The following TMPRSS11A variants were observed in gnomAD, a reference collection of about 807,000 sequenced individuals.
TMPRSS11A encodes transmembrane protease serine 11A.
TMPRSS11A carries 53 observed loss-of-function variants against 58.9 expected under a neutral mutation model. The observed-to-expected ratio is 0.90, with a 90% CI of 0.72 to 1.13. TMPRSS11A has a LOEUF of 1.13. TMPRSS11A is among the 50% of genes most tolerant of loss of function. TMPRSS11A has a pLI of 0.00. For missense variants in TMPRSS11A, 493 were observed against 499.3 expected, an observed-to-expected ratio of 0.99 and a Z score of 0.12; for synonymous variants, 167 against 169.8, an observed-to-expected ratio of 0.98 and a Z score of 0.13.
chr4:67,949,205 C>T (rs1721096678), intron 1 of TMPRSS11A, among the ~76,000 whole-genome samples: 1 of 152,136 alleles, frequency 6.6e-6, no homozygotes, highest in Non-Finnish European at 1.5e-5. Context: ...AAAAGAATCA[C>T]ATCTCCCACC....
Position 67,909,868 on chromosome 4 carries a change from G to A in TMPRSS11A, c.*1474C>T, listed in dbSNP as rs1719922100. The A allele has an allele frequency of 2.0e-5, 3 of 152,034 alleles. No homozygotes were observed. In the South Asian group the frequency reaches 6.2e-4, roughly 32 times the overall value. 9.4% of individuals were successfully genotyped at this position (152,034 alleles called of 1,614,324 possible). ...TCTCTTCTCAGCTTTAAAATTCTAT[G>A]AGTCTAAATTATGAATCAAGTGTTT... is the stretch of plus-strand genomic sequence containing the variant. On this transcript the variant is annotated 3_prime_UTR_variant, in exon 10 of 10. Coordinates refer to ENST00000508048, the MANE Select transcript of TMPRSS11A (RefSeq NM_001114387.2).
intron 8 of TMPRSS11A, among the ~76,000 whole-genome samples, chr4:67,917,646 C>T (rs998375534): frequency 6.6e-5 from 10 of 151,998 alleles, no homozygotes; most frequent in Non-Finnish European, 1.0e-4. Context: ...CAAGAGAGGC[C>T]GTGTTCAAGT....
At chr4:67,945,758 C>T (rs6829501) in intron 2 of TMPRSS11A, among the ~76,000 whole-genome samples, 43,832 of 152,006 alleles carry the variant, frequency 0.29, 8,156 homozygotes, top group African/African-American at 0.51. Flanking sequence ...GTGAGAGTCA[C>T]ATTGTAGAGA....
intron 9 of TMPRSS11A, 48 bp from the exon 10 acceptor site, chr4:67,911,551 A>G: frequency 6.8e-7 from 1 of 1,476,684 alleles, no homozygotes; most frequent in Non-Finnish European, 9.3e-7. Flanking sequence ...GCTAAACATA[A>G]AGCTCATTAT....
chr4:67,952,915 T>C (rs1444140584), intron 1 of TMPRSS11A, among the ~76,000 whole-genome samples: 1 of 152,076 alleles, frequency 6.6e-6, no homozygotes, highest in East Asian at 1.9e-4. Flanking sequence ...GAAAAAATGG[T>C]TTAAATCAGC....
intron 1 of TMPRSS11A, among the ~76,000 whole-genome samples, chr4:67,956,556 T>C (rs72851280): frequency 0.019 from 2,830 of 152,288 alleles, 97 homozygotes; most frequent in African/African-American, 0.064. Context: ...AGGCAACATT[T>C]TCCCCCTATA....
chr4:67,950,109 A>G (rs1721123257), intron 1 of TMPRSS11A, among the ~76,000 whole-genome samples: 1 of 152,156 alleles, frequency 6.6e-6, no homozygotes, highest in African/African-American at 2.4e-5. Flanking sequence ...AGCAACACCT[A>G]TTTATTAGCT....
Position 67,920,549 on chromosome 4 carries a change from ATTT to A in TMPRSS11A, c.693-1320_693-1318del, listed in dbSNP as rs1553922035. On this transcript the variant is annotated intron_variant, in intron 7 of 9. Coordinates refer to ENST00000508048, the MANE Select transcript of TMPRSS11A (RefSeq NM_001114387.2). ...TAATTATATATATATATATATATAT[ATTT>A]TTTTTTATATATACACACACACATA... Among the ~76,000 whole-genome samples, 15 of 130,866 alleles carry A rather than the reference ATTT, an allele frequency of 1.1e-4. No homozygotes were observed. The East Asian group carries it at 1.2e-3, about 10-fold the overall frequency. 85.9% of individuals were successfully genotyped at this position (130,866 alleles called of 152,430 possible).
intron 8 of TMPRSS11A, 85 bp from the exon 9 acceptor site, chr4:67,914,815 T>C: frequency 1.6e-6 from 2 of 1,224,962 alleles, no homozygotes; most frequent in Non-Finnish European, 2.3e-6. Flanking sequence ...AATATTTTTT[T>C]CATGGTAAAA....
In TMPRSS11A at chr4:67,929,953, G is replaced by C; in HGVS notation, c.408C>G (p.Ile136Met). The change falls in exon 5 of 10, where the codon ATC (isoleucine) becomes ATG (methionine). Residue 136 changes from isoleucine (I) to methionine (M), a missense_variant. Ile to Met is a conservative substitution (Grantham distance 10). Coordinates refer to ENST00000508048, the MANE Select transcript of TMPRSS11A (RefSeq NM_001114387.2). ...TTATCTTCTGATTTAAGATGCTTTG[G>C]ATTTTCTTCTCTCTTACTGCCCTTT... ...TEQRAVREKK[I>M]QSILNQKIRN... The C allele has an allele frequency of 6.2e-7, 1 of 1,613,754 alleles. No homozygotes were observed. Among genetic ancestry groups the C allele is most frequent in the Non-Finnish European group, 8.5e-7 (1 of 1,179,764 alleles).
chr4:67,946,101 TATA>T (rs1217618769), intron 2 of TMPRSS11A, among the ~76,000 whole-genome samples: 3 of 152,144 alleles, frequency 2.0e-5, no homozygotes, highest in East Asian at 1.9e-4. Context: ...CATTTTAATA[TATA>T]ATAAGTGATG....
intron 1 of TMPRSS11A, 122 bp downstream of exon 1, chr4:67,963,261 A>C: frequency 4.6e-6 from 4 of 866,142 alleles, no homozygotes; most frequent in Non-Finnish European, 7.0e-6. Context: ...AAATTTAAAA[A>C]AATCCAGTGC....
intron 1 of TMPRSS11A, among the ~76,000 whole-genome samples, chr4:67,947,877 C>A (rs551704216): frequency 6.6e-6 from 1 of 152,228 alleles, no homozygotes; most frequent in East Asian, 1.9e-4. Context: ...GAGAGTCAGG[C>A]AGGAATGATA....
In TMPRSS11A at chr4:67,948,156, T is replaced by C. The variant is rs1348956397; in HGVS notation, c.12-1585A>G. ...ATAAAACAGTTTTTTTCTTTTTTTT[T>C]TTTTTTTTTTTTGAGACGGAGTCTC... On this transcript the variant is annotated intron_variant, in intron 1 of 9. Coordinates refer to ENST00000508048, the MANE Select transcript of TMPRSS11A (RefSeq NM_001114387.2). 4.0e-4 allele frequency among the ~76,000 whole-genome samples: 57 copies of C among 143,056 alleles called. No homozygotes were observed. The East Asian group carries it at 6.0e-3, about 15-fold the overall frequency. 93.9% of individuals were successfully genotyped at this position (143,056 alleles called of 152,430 possible).
intron 1 of TMPRSS11A, among the ~76,000 whole-genome samples, chr4:67,947,636 C>T (rs1721057524): frequency 6.6e-6 from 1 of 152,140 alleles, no homozygotes; most frequent in Admixed American, 6.5e-5. Flanking sequence ...TTTTATATTG[C>T]ATCACACCAG....
intron 1 of TMPRSS11A, among the ~76,000 whole-genome samples, chr4:67,956,316 A>G (rs1274449305): frequency 3.9e-5 from 6 of 152,216 alleles, no homozygotes; most frequent in African/African-American, 1.2e-4. Flanking sequence ...GGAAGGACTT[A>G]TCTGTCTGAC....
intron 3 of TMPRSS11A, among the ~76,000 whole-genome samples, chr4:67,934,258 A>T (rs76201752): frequency 0.021 from 3,164 of 152,306 alleles, 65 homozygotes; most frequent in East Asian, 0.12. Context: ...AAGAATTCTG[A>T]TAAAATGAAT....
At chr4:67,936,814 A>C (rs932080995) in intron 3 of TMPRSS11A, among the ~76,000 whole-genome samples, 1 of 152,246 alleles carries the variant, frequency 6.6e-6, no homozygotes, top group African/African-American at 2.4e-5. Flanking sequence ...ATTTGCAATT[A>C]AGGATTTTAA....
intron 1 of TMPRSS11A, among the ~76,000 whole-genome samples, chr4:67,952,756 G>C (rs1721193986): frequency 6.6e-6 from 1 of 152,120 alleles, no homozygotes; most frequent in Non-Finnish European, 1.5e-5. Context: ...TTTAATTCTT[G>C]ATATGTTATG....
Sources: allele counts gnomAD v4.1 joint callset (sites outside exome capture counted in the v4.1 genomes callset), GRCh38; gene constraint gnomAD v4.1.1; transcripts MANE v1.5; gene names NCBI Gene and HGNC (gene_info 2026-07-23, HGNC 2026-07-21).